Variants in NFIB observed in about 807,000 individuals in gnomAD.
NFIB encodes the protein nuclear factor I B.
Under a neutral mutation model 61.5 loss-of-function variants are expected in NFIB, and 11 were observed. The ratio of observed to expected loss-of-function variants is 0.18; its 90% CI spans 0.11 to 0.30. The LOEUF is 0.30. Ranked by LOEUF, NFIB falls within the 10% of genes least tolerant of loss-of-function variation. NFIB has a pLI of 1.00. For missense variants in NFIB, 471 were observed against 608.9 expected (o/e 0.77, Z 2.38); for synonymous variants, 260 against 216.5 (o/e 1.20, Z -1.76).
chr9:14,458,105 G>T, the NFIB span, among the ~76,000 whole-genome samples: 2 of 152,176 alleles, frequency 1.3e-5, no homozygotes, highest in Non-Finnish European at 2.9e-5. Flanking sequence ...GAACATCGAT[G>T]CAAAAATCCT....
chr9:14,300,397 C>A (rs2059686771), intron 2 of NFIB, among the ~76,000 whole-genome samples: 1 of 152,168 alleles, frequency 6.6e-6, no homozygotes, highest in Non-Finnish European at 1.5e-5. Flanking sequence ...TTTGCTCCGC[C>A]ATAGCACATA....
chr9:14,462,306 A>ATG, the NFIB span, among the ~76,000 whole-genome samples: 1 of 149,468 alleles, frequency 6.7e-6, no homozygotes, highest in Non-Finnish European at 1.5e-5. Context: ...TTTTTCAGAC[A>ATG]GAGTCTTGCT....
At chr9:14,529,759 G>A in the NFIB span, among the ~76,000 whole-genome samples, 5 of 152,086 alleles carry the variant, frequency 3.3e-5, no homozygotes, top group African/African-American at 7.2e-5. Flanking sequence ...AGAAACTTAC[G>A]TACTCTTCAT....
intron 10 of NFIB, among the ~76,000 whole-genome samples, chr9:14,109,733 T>C (rs185643831): frequency 1.3e-5 from 2 of 152,250 alleles, no homozygotes; most frequent in East Asian, 1.9e-4. Context: ...GTGCTGACTA[T>C]TGTGACTGAT....
intron 2 of NFIB, among the ~76,000 whole-genome samples, chr9:14,283,635 C>T (rs563235685): frequency 6.6e-5 from 10 of 152,198 alleles, no homozygotes; most frequent in Non-Finnish European, 1.2e-4. Flanking sequence ...GCCATCACTG[C>T]TCTTTTTAAA....
the NFIB span, among the ~76,000 whole-genome samples, chr9:14,427,934 G>GTTTTTTTTTTTTTTT: frequency 1.5e-3 from 38 of 25,978 alleles, 3 homozygotes; most frequent in South Asian, 5.3e-3. Flanking sequence ...CTTTAATTCA[G>GTTTTTTTTTTTTTTT]TTGTTTTTTT....
At chr9:14,291,428 T>A (rs557230964) in intron 2 of NFIB, among the ~76,000 whole-genome samples, 1 of 152,314 alleles carries the variant, frequency 6.6e-6, no homozygotes, top group East Asian at 1.9e-4. Flanking sequence ...GAGGTTGCAG[T>A]GAGCCAAGAT....
chr9:14,360,548 CT>C (rs545386396), intron 1 of NFIB, among the ~76,000 whole-genome samples: 197 of 140,456 alleles, frequency 1.4e-3, no homozygotes, highest in Middle Eastern at 3.7e-3. Flanking sequence ...CTGTTTTTTT[CT>C]TTTTTTTTTT....
At chr9:14,231,135 A>AAAAAAATATATATATATATATATAT (rs55959148) in intron 2 of NFIB, among the ~76,000 whole-genome samples, 1 of 35,344 alleles carries the variant, frequency 2.8e-5, no homozygotes, top group Non-Finnish European at 5.4e-5. Flanking sequence ...AAAAAAAAAA[A>AAAAAAATATATATATATATATATAT]ATATATATAT....
At chr9:14,518,718 T>G in the NFIB span, among the ~76,000 whole-genome samples, 1 of 151,920 alleles carries the variant, frequency 6.6e-6, no homozygotes, top group African/African-American at 2.4e-5. Context: ...GCTGAAGAAC[T>G]ACTCCCTCCT....
chr9:14,406,595 G>A, the NFIB span, among the ~76,000 whole-genome samples: 1 of 152,174 alleles, frequency 6.6e-6, no homozygotes, highest in Non-Finnish European at 1.5e-5. Context: ...ATAGGCTGGG[G>A]CAGAGACAAG....
intron 2 of NFIB, among the ~76,000 whole-genome samples, chr9:14,198,755 T>C (rs1490020818): frequency 6.6e-6 from 1 of 152,204 alleles, no homozygotes; most frequent in Admixed American, 6.5e-5. Flanking sequence ...ACAAGGGACT[T>C]GGCTGCTGAT....
the NFIB span, among the ~76,000 whole-genome samples, chr9:14,463,389 T>G: frequency 6.6e-6 from 1 of 151,838 alleles, no homozygotes; most frequent in Non-Finnish European, 1.5e-5. Context: ...CTTTATAAAT[T>G]AATTTCTAAA....
At chr9:14,250,098 T>C (rs1429510519) in intron 2 of NFIB, among the ~76,000 whole-genome samples, 4 of 152,158 alleles carry the variant, frequency 2.6e-5, no homozygotes, top group Non-Finnish European at 4.4e-5. Context: ...AGTTACAAAT[T>C]TGCCCTTAAC....
chr9:14,211,285 C>A (rs2050278072), intron 2 of NFIB, among the ~76,000 whole-genome samples: 1 of 151,924 alleles, frequency 6.6e-6, no homozygotes, highest in Non-Finnish European at 1.5e-5. Flanking sequence ...AAACTGCACT[C>A]AAAAAACATC....
chr9:14,337,327 A>T (rs2060896599), intron 1 of NFIB, among the ~76,000 whole-genome samples: 1 of 152,252 alleles, frequency 6.6e-6, no homozygotes, highest in Admixed American at 6.5e-5. Context: ...GCAAGTCATA[A>T]AAGGATACAT....
chr9:14,496,290 A>T, the NFIB span, among the ~76,000 whole-genome samples: 1 of 152,226 alleles, frequency 6.6e-6, no homozygotes, highest in Non-Finnish European at 1.5e-5. Flanking sequence ...TGCCTTATCT[A>T]CATAACCTGA....
intron 1 of NFIB, among the ~76,000 whole-genome samples, chr9:14,325,727 T>A (rs929498384): frequency 1.3e-5 from 2 of 152,096 alleles, no homozygotes. Context: ...ATACCAGAAT[T>A]TGTGCAAATT....
intron 6 of NFIB, among the ~76,000 whole-genome samples, chr9:14,144,644 T>C (rs2042097356): frequency 6.6e-6 from 1 of 152,156 alleles, no homozygotes; most frequent in Non-Finnish European, 1.5e-5. Flanking sequence ...TCTCACAGTG[T>C]AGACAGATTT....
Sources: allele counts gnomAD v4.1 joint callset (sites outside exome capture counted in the v4.1 genomes callset), GRCh38; gene constraint gnomAD v4.1.1; transcripts MANE v1.5; gene names NCBI Gene and HGNC (gene_info 2026-07-23, HGNC 2026-07-21).